Variants in KIF9 observed in about 807,000 individuals in gnomAD.
KIF9 encodes the protein kinesin family member 9, also known as kinesin-like protein KIF9.
In KIF9, 68 loss-of-function variants were observed where a neutral mutation model predicts 94.8. The observed-to-expected ratio is 0.72, with a 90% confidence interval of 0.59 to 0.88. The LOEUF is 0.88. Ranked by LOEUF, KIF9 falls within the 40% of genes least tolerant of loss-of-function variation. KIF9 has a pLI of 0.00. For synonymous variants in KIF9, 343 were observed against 362.1 expected (o/e 0.95, Z 0.60); for missense variants, 882 against 982.5 (o/e 0.90, Z 1.37).
intron 20 of KIF9, among the ~76,000 whole-genome samples, chr3:47,232,967 C>A (rs1346453260): frequency 3.8e-5 from 5 of 131,830 alleles, no homozygotes; most frequent in Non-Finnish European, 7.9e-5. Context: ...GGCGACAGAG[C>A]GAGACTCCAT....
At chr3:47,229,058 G>A (rs1413299126) in intron 20 of KIF9, among the ~76,000 whole-genome samples, 1 of 152,162 alleles carries the variant, frequency 6.6e-6, no homozygotes, top group African/African-American at 2.4e-5. Flanking sequence ...TATTCAGAAG[G>A]GCCCTCTCTT....
intron 11 of KIF9, 72 bp downstream of exon 11, chr3:47,247,946 C>A: frequency 8.3e-7 from 1 of 1,205,306 alleles, no homozygotes; most frequent in Non-Finnish European, 1.2e-6. Flanking sequence ...GCTGTCTGCC[C>A]CTAGCCCCAG....
At chr3:47,247,304 C>G in intron 12 of KIF9, 69 bp downstream of exon 12, 1 of 1,009,756 alleles carries the variant, frequency 9.9e-7, no homozygotes, top group Non-Finnish European at 1.6e-6. Flanking sequence ...GCAGAGCATG[C>G]GTTGGGGTGT....
intron 10 of KIF9, 135 bp downstream of exon 10, chr3:47,257,348 G>A (rs573323599): frequency 2.6e-6 from 2 of 765,874 alleles, no homozygotes; most frequent in South Asian, 1.6e-5. Context: ...CAGTCCAGGA[G>A]TGGAAAAGGG....
At position 47,275,438 on chromosome 3, in the gene KIF9, T is replaced by C. The variant is rs749986775; in HGVS notation, c.146A>G (p.Gln49Arg). ...CAACTTAAACGACCAGTCTGTCTGT[T>C]GGTTATTGACAACTCCTCTCCGAAT... Reference protein sequence around the residue: ...KDIRRGVVNNQQTDWSFKLDG... With the variant: ...KDIRRGVVNNRQTDWSFKLDG... Residue 49 changes from glutamine (Q) to arginine (R), a missense_variant, in exon 3 of 21, where the codon CAA becomes CGA. Physicochemically the swap from Gln to Arg is conservative, Grantham distance 43. Transcript: ENST00000684063. 3 of 1,613,514 alleles carry C rather than the reference T, an allele frequency of 1.9e-6. No homozygotes were observed. The highest frequency in any genetic ancestry group is 1.1e-5 in the South Asian group (1 of 90,968).
chr3:47,265,568 A>G (rs560610123), intron 8 of KIF9, among the ~76,000 whole-genome samples, 162 bp downstream of exon 8: 2 of 152,210 alleles, frequency 1.3e-5, no homozygotes, highest in African/African-American at 2.4e-5. Context: ...ACAGTGCTTG[A>G]TTCTGCCTTT....
At chr3:47,230,737 GA>G (rs1246935884) in intron 20 of KIF9, among the ~76,000 whole-genome samples, 7 of 142,650 alleles carry the variant, frequency 4.9e-5, no homozygotes, top group Non-Finnish European at 7.6e-5. Context: ...TCTTGTGGGG[GA>G]AAAAAAAAGA....
intron 20 of KIF9, among the ~76,000 whole-genome samples, chr3:47,235,006 C>G (rs976825738): frequency 6.6e-6 from 1 of 152,246 alleles, no homozygotes; most frequent in African/African-American, 2.4e-5. Context: ...TAAGCACTGC[C>G]TCTGTGCAAA....
Position 47,243,074 on chromosome 3 carries a change from C to A in KIF9, c.1686G>T (p.Pro562=). 1 of 1,610,932 alleles carries A rather than the reference C, an allele frequency of 6.2e-7. No homozygotes were observed. ...ACCTAATTGGGCGTAATTCCTCCTTCGGGGAGTCTGAGGGAAGGGGCTCAA... is the reference window on the plus strand; with the variant it reads ...ACCTAATTGGGCGTAATTCCTCCTTAGGGGAGTCTGAGGGAAGGGGCTCAA... ...SSIEPLPSDS[P]KEELRPIRPD... is the part of the protein sequence containing the mutation. Residue 562 remains proline (P), a synonymous_variant, in exon 16 of 21, where the codon CCG becomes CCT. Coordinates refer to ENST00000684063, the MANE Select transcript of KIF9 (RefSeq NM_182902.4).
chr3:47,268,642 G>A lies in KIF9; in HGVS notation c.592-1379C>T, dbSNP rs915104617. 2.6e-5 allele frequency among the ~76,000 whole-genome samples: 4 copies of A among 150,944 alleles called. No homozygotes were observed. The East Asian group carries it at 7.8e-4, about 29-fold the overall frequency. ...CTGTTGCCCAGGCTGAAGTGCAGTGGCGTGATGTTGGCTCACTGCAACTTC... is the reference window on the plus strand; with the variant it reads ...CTGTTGCCCAGGCTGAAGTGCAGTGACGTGATGTTGGCTCACTGCAACTTC... On this transcript the variant is annotated intron_variant, in intron 5 of 20. Transcript: ENST00000684063.
At chr3:47,282,189 G>C in intron 1 of KIF9, 1 of 985,442 alleles carries the variant, frequency 1.0e-6, no homozygotes, top group Non-Finnish European at 1.2e-6. Context: ...CCTCTAGTTC[G>C]AAAACTGACT....
At position 47,262,541 on chromosome 3, in the gene KIF9, C is replaced by T. The variant is rs530615454; in HGVS notation, c.981+1745G>A. ...GCCCACCTCAGCCTCCCAAAGTGCT[C>T]GGATTACAGGCATGAGCCATTACAC... is the stretch of plus-strand genomic sequence containing the variant. On this transcript the variant is annotated intron_variant, in intron 9 of 20. Coordinates refer to ENST00000684063, the MANE Select transcript of KIF9 (RefSeq NM_182902.4). Among the ~76,000 whole-genome samples the T allele has an allele frequency of 9.2e-5, 14 of 152,076 alleles. 1 individual carries two copies. The South Asian group carries it at 2.5e-3, about 27-fold the overall frequency.
rs1208240571 is a variant in KIF9 at position 47,265,951 on chromosome 3, T to C, written c.769-74A>G. 4 of 1,527,174 alleles carry C rather than the reference T, an allele frequency of 2.6e-6. No individual in the cohort carries two copies. In the East Asian group the frequency reaches 9.0e-5, roughly 34 times the overall value. The allele number at this position is 1,527,174 out of a possible 1,614,324, so 94.6% of individuals were successfully genotyped here. A position where few individuals can be genotyped will look rare whatever the true frequency, so the allele number is the denominator to read the frequency against. The stretch of plus-strand genomic sequence containing the variant: ...CCACTAAGAATAGCAGTCTTCCTGG[T>C]CTGGAGAAATGCTATAAGTCTGTGG... On this transcript the variant is annotated intron_variant, in intron 7 of 20. Coordinates refer to ENST00000684063, the MANE Select transcript of KIF9 (RefSeq NM_182902.4).
chr3:47,264,225 C>A (rs867773024), intron 9 of KIF9, 61 bp downstream of exon 9: 1 of 1,318,178 alleles, frequency 7.6e-7, no homozygotes, highest in South Asian at 1.2e-5. Flanking sequence ...TGGAGCCTTA[C>A]CCTGCCCTGG....
At chr3:47,246,834 G>C (rs1313856061) in intron 12 of KIF9, among the ~76,000 whole-genome samples, 4 of 152,152 alleles carry the variant, frequency 2.6e-5, no homozygotes, top group African/African-American at 9.7e-5. Context: ...TAACAGCCAG[G>C]GGGGTCTGCC....
intron 15 of KIF9, 192 bp downstream of exon 15, chr3:47,244,599 G>A (rs1699800727): frequency 1.5e-6 from 1 of 662,366 alleles, no homozygotes; most frequent in Non-Finnish European, 2.7e-6. Context: ...GAGGACGAGA[G>A]ATGATTCTTG....
At chr3:47,241,867 T>C (rs35540623) in intron 16 of KIF9, among the ~76,000 whole-genome samples, 11,872 of 39,646 alleles carry the variant, frequency 0.3, 678 homozygotes, top group South Asian at 0.45. Context: ...TATATACACA[T>C]ATATATATAT....
In KIF9 at chr3:47,236,616, T is replaced by C; in HGVS notation, c.1928A>G (p.Lys643Arg). ...GATCATCAGCCCCTTGTTTTCGTAC[T>C]TGCCTGCAAGGTGATGGAAGAAGTC... is the stretch of plus-strand genomic sequence containing the variant. ...FQKSLREKQG[K>R]YENKGLMIID... The change falls in exon 18 of 21, where the codon AAG becomes AGG. Residue 643 changes from lysine to arginine, a missense_variant. Physicochemically the swap from Lys to Arg is conservative, Grantham distance 26 (BLOSUM62 2). Transcript: ENST00000684063. The C allele has an allele frequency of 6.2e-7, 1 of 1,613,578 alleles. No individual in the cohort carries two copies. The highest frequency in any genetic ancestry group is 8.5e-7 in the Non-Finnish European group (1 of 1,179,944).
intron 15 of KIF9, 94 bp downstream of exon 15, chr3:47,244,697 G>A (rs1699808173): frequency 8.8e-6 from 13 of 1,473,860 alleles, no homozygotes; most frequent in Non-Finnish European, 1.2e-5. Flanking sequence ...CAGTAGCTGA[G>A]ACACCAGGGG....
Sources: allele counts gnomAD v4.1 joint callset (sites outside exome capture counted in the v4.1 genomes callset), GRCh38; gene constraint gnomAD v4.1.1; transcripts MANE v1.5; gene names NCBI Gene and HGNC (gene_info 2026-07-23, HGNC 2026-07-21).